The following SNX29 variants were observed in gnomAD, a reference collection of about 807,000 sequenced individuals.
SNX29 encodes the protein sorting nexin-29.
Under a neutral mutation model 102.1 loss-of-function variants are expected in SNX29, and 78 were observed. That is an observed-to-expected ratio of 0.76 (90% confidence interval 0.64 to 0.92). The LOEUF is 0.92. Ranked by LOEUF, SNX29 falls within the 40% of genes least tolerant of loss-of-function variation. SNX29 has a pLI of 0.00. For missense variants in SNX29, 1,280 were observed against 1,061.7 expected, an observed-to-expected ratio of 1.21 and a Z score of -2.86; for synonymous variants, 580 against 414.5, an observed-to-expected ratio of 1.40 and a Z score of -4.85.
At chr16:12,282,857 G>A (rs1218210875) in intron 15 of SNX29, among the ~76,000 whole-genome samples, 4 of 152,164 alleles carry the variant, frequency 2.6e-5, no homozygotes, top group Admixed American at 6.6e-5. Context: ...GGGTTTCATC[G>A]TGTTGGCCAG....
chr16:11,980,765 T>G (rs1453728553), intron 1 of SNX29, among the ~76,000 whole-genome samples: 2 of 152,190 alleles, frequency 1.3e-5, no homozygotes, highest in African/African-American at 2.4e-5. Context: ...TTGAGCATCT[T>G]ATCTTGTGCT....
At chr16:12,567,563 C>T (rs1333593827) in intron 20 of SNX29, among the ~76,000 whole-genome samples, 5 of 152,066 alleles carry the variant, frequency 3.3e-5, no homozygotes, top group African/African-American at 7.2e-5. Context: ...GCAAGAGGAT[C>T]ACTTGAGACC....
chr16:12,142,805 A>G (rs113851061), intron 13 of SNX29, among the ~76,000 whole-genome samples: 4,576 of 151,662 alleles, frequency 0.03, 239 homozygotes, highest in African/African-American at 0.11. Context: ...TCAGGTGACC[A>G]CTGCCTCGGC....
intron 14 of SNX29, among the ~76,000 whole-genome samples, chr16:12,220,166 T>C (rs188849306): frequency 1.3e-5 from 2 of 151,078 alleles, no homozygotes; most frequent in African/African-American, 5.0e-5. Context: ...ATGTGTGTTA[T>C]TTCACAGAGC....
At chr16:12,275,021 C>G (rs960936957) in intron 14 of SNX29, among the ~76,000 whole-genome samples, 1 of 152,162 alleles carries the variant, frequency 6.6e-6, no homozygotes, top group African/African-American at 2.4e-5. Context: ...TTGCTTTTCT[C>G]TGTTTATTCC....
intron 11 of SNX29, among the ~76,000 whole-genome samples, chr16:12,107,356 T>TAA (rs1555461512): frequency 1.5e-4 from 22 of 149,042 alleles, no homozygotes; most frequent in Non-Finnish European, 2.1e-4. Context: ...TTTTTTTTTT[T>TAA]AAAACGTTTT....
intron 4 of SNX29, among the ~76,000 whole-genome samples, chr16:12,030,935 C>T (rs2057324070): frequency 6.6e-6 from 1 of 152,170 alleles, no homozygotes; most frequent in African/African-American, 2.4e-5. Context: ...CCTGCCACGC[C>T]CCTGCCTTGG....
chr16:12,217,221 T>C (rs111332061), intron 14 of SNX29, among the ~76,000 whole-genome samples: 3,389 of 152,264 alleles, frequency 0.022, 84 homozygotes, highest in African/African-American at 0.06. Flanking sequence ...GGTCTCACGA[T>C]GTTTCCCAGG....
intron 18 of SNX29, among the ~76,000 whole-genome samples, chr16:12,413,251 A>G (rs898582739): frequency 1.3e-5 from 2 of 152,138 alleles, no homozygotes; most frequent in African/African-American, 4.8e-5. Context: ...GGGAGATAAA[A>G]ACAGTGAAGG....
chr16:12,448,416 G>A (rs1271878016), intron 18 of SNX29, among the ~76,000 whole-genome samples: 1 of 151,946 alleles, frequency 6.6e-6, no homozygotes, highest in African/African-American at 2.4e-5. Flanking sequence ...AATTGCTGGT[G>A]AACATGTTTT....
intron 20 of SNX29, among the ~76,000 whole-genome samples, chr16:12,554,866 G>A (rs1014646549): frequency 9.8e-5 from 15 of 152,292 alleles, no homozygotes; most frequent in East Asian, 1.9e-4. Context: ...CAGGAAAGAG[G>A]ACAAAGATAT....
chr16:12,100,363 G>A (rs2052959838), intron 11 of SNX29, among the ~76,000 whole-genome samples: 1 of 152,180 alleles, frequency 6.6e-6, no homozygotes, highest in Admixed American at 6.5e-5. Context: ...ACAGGCAAGT[G>A]TCTGTGGACA....
At position 12,573,568 on chromosome 16, in the gene SNX29, C is replaced by T. The variant is rs1215039473; in HGVS notation, c.*4939C>T. ...TTTTCCCATCCTAACCGGAAAACCA[C>T]TCACCCAGGCTTCCCCCACTTCCCC... On this transcript the variant is annotated 3_prime_UTR_variant, in exon 21 of 21. Coordinates refer to ENST00000566228, the MANE Select transcript of SNX29 (RefSeq NM_032167.5). The T allele has an allele frequency of 4.5e-6, 1 of 223,494 alleles. No homozygotes were observed. The highest frequency in any genetic ancestry group is 1.8e-4 in the South Asian group (1 of 5,450). The allele number at this position is 223,494 out of a possible 1,614,324, so 13.8% of individuals were successfully genotyped here. A position where few individuals can be genotyped will look rare whatever the true frequency, so the allele number is the denominator to read the frequency against.
chr16:12,572,763 C>T lies in SNX29; in HGVS notation c.*4134C>T, dbSNP rs2141596074. 6 of 1,063,952 alleles carry T rather than the reference C, an allele frequency of 5.6e-6. No homozygotes were observed. In the South Asian group the frequency reaches 2.3e-4, roughly 40 times the overall value. 65.9% of individuals were successfully genotyped at this position (1,063,952 alleles called of 1,614,324 possible). ...GGGCTGGGTTTTCAGCTTCTGGGAC[C>T]CGAGGAAGACCCCACCTCACTCCTC... On this transcript the variant is annotated 3_prime_UTR_variant, in exon 21 of 21. Transcript: ENST00000566228.
At chr16:12,543,910 C>A in intron 20 of SNX29, among the ~76,000 whole-genome samples, 1 of 152,210 alleles carries the variant, frequency 6.6e-6, no homozygotes, top group East Asian at 1.9e-4. Flanking sequence ...TCCTGGATTG[C>A]CGAAGGTGGA....
chr16:12,437,037 G>A (rs2085570090), intron 18 of SNX29, among the ~76,000 whole-genome samples: 1 of 152,200 alleles, frequency 6.6e-6, no homozygotes, highest in Admixed American at 6.5e-5. Context: ...TACATGAAAG[G>A]AAAGTAGCAA....
At chr16:12,256,337 A>T (rs2082720401) in intron 14 of SNX29, among the ~76,000 whole-genome samples, 3 of 152,178 alleles carry the variant, frequency 2.0e-5, no homozygotes, top group African/African-American at 7.2e-5. Context: ...CACTCTGTTG[A>T]TGGTTTCCTG....
chr16:12,544,400 C>T (rs1049722298), intron 20 of SNX29, among the ~76,000 whole-genome samples: 1 of 152,174 alleles, frequency 6.6e-6, no homozygotes, highest in African/African-American at 2.4e-5. Context: ...GGTGGTTCTG[C>T]TAAAACATTA....
chr16:12,184,891 G>A (rs982216749), intron 13 of SNX29, among the ~76,000 whole-genome samples: 3 of 152,180 alleles, frequency 2.0e-5, no homozygotes, highest in Non-Finnish European at 2.9e-5. Context: ...AGCTGTCAAG[G>A]GGAAAATCAT....
Sources: allele counts gnomAD v4.1 joint callset (sites outside exome capture counted in the v4.1 genomes callset), GRCh38; gene constraint gnomAD v4.1.1; transcripts MANE v1.5; gene names NCBI Gene and HGNC (gene_info 2026-07-23, HGNC 2026-07-21).